STAG1: variants seen among roughly 807,000 people sequenced by gnomAD.
STAG1 encodes STAG1 cohesin complex component.
Under a neutral mutation model 170.9 loss-of-function variants are expected in STAG1, and 26 were observed. That is an observed-to-expected ratio of 0.15 (90% CI 0.11 to 0.21). STAG1 has a LOEUF of 0.21. STAG1 is among the 10% of genes least tolerant of loss of function. STAG1 has a pLI of 1.00. For missense variants in STAG1, 964 were observed against 1,509.5 expected, an observed-to-expected ratio of 0.64 and a Z score of 5.99; for synonymous variants, 514 against 497.7, an observed-to-expected ratio of 1.03 and a Z score of -0.44.
chr3:136,678,002 G>A (rs183208501), intron 1 of STAG1, among the ~76,000 whole-genome samples: 2 of 147,768 alleles, frequency 1.4e-5, no homozygotes, highest in African/African-American at 4.9e-5. Flanking sequence ...ACCTATATAT[G>A]ACTTCTGAAG....
intron 12 of STAG1, among the ~76,000 whole-genome samples, chr3:136,468,326 T>C (rs950533489): frequency 2.0e-5 from 3 of 151,872 alleles, no homozygotes; most frequent in South Asian, 2.1e-4. Flanking sequence ...AAAGGGGATA[T>C]CACCACCGAT....
chr3:136,461,624 G>C (rs1052936141), intron 13 of STAG1, among the ~76,000 whole-genome samples: 3 of 151,512 alleles, frequency 2.0e-5, no homozygotes, highest in Non-Finnish European at 2.9e-5. Flanking sequence ...AAACACTGGG[G>C]ATTCTTAAGA....
chr3:136,471,171 T>G (rs1300293880), intron 12 of STAG1, among the ~76,000 whole-genome samples: 1 of 151,290 alleles, frequency 6.6e-6, no homozygotes, highest in South Asian at 2.1e-4. Flanking sequence ...AGTTTTAATG[T>G]GCTATGATCA....
chr3:136,719,847 T>C (rs1451639399), intron 1 of STAG1, among the ~76,000 whole-genome samples: 1 of 152,092 alleles, frequency 6.6e-6, no homozygotes, highest in African/African-American at 2.4e-5. Flanking sequence ...CACTCAACTT[T>C]GTAAGGATAA....
intron 1 of STAG1, among the ~76,000 whole-genome samples, chr3:136,666,312 A>ATTAT (rs1941773111): frequency 6.6e-6 from 1 of 152,038 alleles, no homozygotes; most frequent in African/African-American, 2.4e-5. Flanking sequence ...TGGTCTTATA[A>ATTAT]GACTCTTAAG....
rs1935693197 is a variant in STAG1 at position 136,336,721 on chromosome 3, A to ATGT, written c.*1530_*1532dup. On this transcript the variant is annotated 3_prime_UTR_variant, in exon 34 of 34. Coordinates refer to ENST00000383202, the MANE Select transcript of STAG1 (RefSeq NM_005862.3). ...CCAGGTTTTTTTCAGAACTGTACAA[A>ATGT]TGTTGAGAAAAATGTTTTGTGTCTT... The ATGT allele has an allele frequency of 6.6e-6, 1 of 152,218 alleles. No homozygotes were observed. The allele number at this position is 152,218 out of a possible 1,614,324, so 9.4% of individuals were successfully genotyped here.
intron 1 of STAG1, among the ~76,000 whole-genome samples, chr3:136,664,562 C>G (rs1162116976): frequency 6.6e-6 from 1 of 152,118 alleles, no homozygotes; most frequent in African/African-American, 2.4e-5. Context: ...ACCAATGGAG[C>G]TTTTTTAGAT....
intron 4 of STAG1, among the ~76,000 whole-genome samples, chr3:136,586,135 A>G (rs1262999384): frequency 1.3e-5 from 2 of 152,208 alleles, no homozygotes; most frequent in Non-Finnish European, 2.9e-5. Context: ...TATTTCATAT[A>G]TTTAAACATC....
chr3:136,748,747 G>T (rs1935078292), intron 1 of STAG1, among the ~76,000 whole-genome samples: 1 of 152,122 alleles, frequency 6.6e-6, no homozygotes, highest in Non-Finnish European at 1.5e-5. Context: ...GTTCTTAGTG[G>T]CAGAAATGAA....
In STAG1 at chr3:136,422,827, A is replaced by G; in HGVS notation, c.1774T>C (p.Leu592=). 6.2e-7 allele frequency: 1 copy of G among 1,610,292 alleles called. No homozygotes were observed. The highest frequency in any genetic ancestry group is 1.9e-4 in the Middle Eastern group (1 of 5,382). Residue 592 remains leucine, a synonymous_variant, in exon 18 of 34, where the codon TTG becomes CTG. Transcript: ENST00000383202. ...YSADAEKVAN[L]LQIPQYFDLE... is the part of the protein sequence containing the mutation. ...TCAAAATACTGTGGGATTTGTAGCA[A>G]GTTTGCTACCTTCTCTGCATCTGCA...
At chr3:136,589,908 G>A (rs112006512) in intron 4 of STAG1, among the ~76,000 whole-genome samples, 4 of 152,056 alleles carry the variant, frequency 2.6e-5, no homozygotes, top group African/African-American at 4.8e-5. Flanking sequence ...TCCGGCCTGG[G>A]TAACAGAGCG....
In STAG1 at chr3:136,696,186, A is replaced by G. The variant is rs75369333; in HGVS notation, c.-84+56009T>C. Among the ~76,000 whole-genome samples, 307 of 152,348 alleles carry G rather than the reference A, an allele frequency of 2.0e-3. 1 individual carries two copies. The highest frequency in any genetic ancestry group is 3.9e-3 in the Non-Finnish European group (268 of 68,032). On this transcript the variant is annotated intron_variant, in intron 1 of 33. Transcript: ENST00000383202. ...CAAGCTGTAACTGGTAAGTGACAGC[A>G]GTAGGTAAAAGTTGCCTTAGAGTCA...
At chr3:136,572,346 C>A (rs1195816011) in intron 4 of STAG1, among the ~76,000 whole-genome samples, 1 of 151,982 alleles carries the variant, frequency 6.6e-6, no homozygotes, top group Non-Finnish European at 1.5e-5. Flanking sequence ...GTAAACCCTG[C>A]ACTTTCATAG....
intron 4 of STAG1, among the ~76,000 whole-genome samples, chr3:136,587,298 G>T (rs1413486089): frequency 6.6e-6 from 1 of 152,054 alleles, no homozygotes; most frequent in Non-Finnish European, 1.5e-5. Context: ...CCAACACTTC[G>T]GCAGGCCGAG....
intron 6 of STAG1, among the ~76,000 whole-genome samples, chr3:136,524,220 T>C (rs574477444): frequency 1.1e-3 from 166 of 152,326 alleles, no homozygotes; most frequent in African/African-American, 2.3e-3. Context: ...ATTATTCCTA[T>C]CCATGAGCAT....
At chr3:136,466,110 A>G (rs962376034) in intron 12 of STAG1, among the ~76,000 whole-genome samples, 2 of 152,250 alleles carry the variant, frequency 1.3e-5, no homozygotes, top group Non-Finnish European at 2.9e-5. Flanking sequence ...CCCCCTCCAA[A>G]GAAACAGAGC....
intron 1 of STAG1, among the ~76,000 whole-genome samples, chr3:136,712,385 AAG>A (rs1195052554): frequency 1.3e-5 from 2 of 152,158 alleles, no homozygotes. Flanking sequence ...AGAATGGGAG[AAG>A]ACATAAGTAA....
intron 1 of STAG1, among the ~76,000 whole-genome samples, chr3:136,723,910 G>A (rs1471343340): frequency 5.4e-5 from 8 of 148,180 alleles, no homozygotes; most frequent in Non-Finnish European, 1.2e-4. Context: ...CCGGCCAGTC[G>A]CCCCGTCTGG....
chr3:136,341,314 T>C (rs1935960860), intron 31 of STAG1, 127 bp downstream of exon 31: 1 of 640,342 alleles, frequency 1.6e-6, no homozygotes, highest in Middle Eastern at 4.0e-4. Flanking sequence ...TTTCCTATGC[T>C]GCATAGCATA....
Sources: allele counts gnomAD v4.1 joint callset (sites outside exome capture counted in the v4.1 genomes callset), GRCh38; gene constraint gnomAD v4.1.1; transcripts MANE v1.5; gene names NCBI Gene and HGNC (gene_info 2026-07-23, HGNC 2026-07-21).